Variants in CSMD2 observed in about 807,000 individuals in gnomAD.
CSMD2 encodes CUB and Sushi multiple domains 2.
In CSMD2, 130 loss-of-function variants were observed where a neutral mutation model predicts 398.5. The ratio of observed to expected loss-of-function variants is 0.33; its 90% CI spans 0.28 to 0.38. The LOEUF (loss-of-function observed/expected upper bound fraction) is 0.38, where lower values mean the gene tolerates loss of function less well. Among genes scored for constraint, CSMD2 ranks in the 10% least tolerant of loss-of-function variants. CSMD2 has a pLI of 1.00. For synonymous variants in CSMD2, 1,828 were observed against 1,908.5 expected, an observed-to-expected ratio of 0.96 and a Z score of 1.10; for missense variants, 3,829 against 4,764.9, an observed-to-expected ratio of 0.80 and a Z score of 5.78.
chr1:34,059,146 A>T (rs544806302), intron 2 of CSMD2, among the ~76,000 whole-genome samples: 1 of 152,332 alleles, frequency 6.6e-6, no homozygotes, highest in African/African-American at 2.4e-5. Context: ...CCCAAGTCAC[A>T]GCTCAAGTAT....
chr1:33,612,756 A>C lies in CSMD2; in HGVS notation c.6134-1506T>G, dbSNP rs529504459. Among the ~76,000 whole-genome samples the C allele has an allele frequency of 1.3e-4, 20 of 149,660 alleles. No individual in the cohort carries two copies. In the South Asian group the frequency reaches 3.8e-3, roughly 28 times the overall value. ...GAGTGCAGTGGCACGATCTTGGCTC[A>C]CTGCAAGCTCCGCCTCCCGGGTTCA... On this transcript the variant is annotated intron_variant, in intron 40 of 70. Transcript: ENST00000373381.
At chr1:33,791,856 C>G (rs1429058518) in intron 11 of CSMD2, among the ~76,000 whole-genome samples, 1 of 152,158 alleles carries the variant, frequency 6.6e-6, no homozygotes, top group African/African-American at 2.4e-5. Flanking sequence ...CCCAAGAGCA[C>G]AGACTCAACA....
chr1:34,005,488 A>G (rs998614426), intron 3 of CSMD2, among the ~76,000 whole-genome samples: 3 of 152,202 alleles, frequency 2.0e-5, no homozygotes, highest in Admixed American at 1.3e-4. Flanking sequence ...AGGCTCTACC[A>G]CGCCCAGGCC....
rs1451103843 is a variant in CSMD2, at chr1:33,700,608, C to T, written c.3642G>A (p.Gly1214=). 4 of 1,613,974 alleles carry T rather than the reference C, an allele frequency of 2.5e-6. No individual in the cohort carries two copies. Among genetic ancestry groups the T allele is most frequent in the Non-Finnish European group, 3.4e-6 (4 of 1,180,026 alleles). Residue 1214 remains glycine (G), a synonymous_variant, in exon 23 of 71, where the codon GGG becomes GGA. Transcript: ENST00000373381. The part of the protein sequence containing the change: ...LGVFSHSEMM[G]VTLNSTSSSL... ...TGCTGGATGTGCTGTTCAAAGTCAC[C>T]CCCATCATCTCAGAATGGCTAAAAA... is the stretch of plus-strand genomic sequence containing the variant.
Position 33,570,728 on chromosome 1 carries a change from G to T in CSMD2, c.7957+804C>A, listed in dbSNP as rs545510060. ...CTTTTCAGATTGCTGTGGTTGAGGA[G>T]TCCTCCCACCTAGGAAGGTCATGTC... On this transcript the variant is annotated intron_variant, in intron 51 of 70. Transcript: ENST00000373381. Among the ~76,000 whole-genome samples the T allele has an allele frequency of 3.3e-5, 5 of 152,222 alleles. No individual in the cohort carries two copies. In the East Asian group the frequency reaches 9.7e-4, roughly 29 times the overall value.
At chr1:33,643,506 C>G (rs368965673) in intron 29 of CSMD2, among the ~76,000 whole-genome samples, 1 of 152,330 alleles carries the variant, frequency 6.6e-6, no homozygotes, top group African/African-American at 2.4e-5. Flanking sequence ...ATATCAAATA[C>G]TTATTGGCAC....
intron 3 of CSMD2, among the ~76,000 whole-genome samples, chr1:34,001,405 T>C (rs1346620919): frequency 6.6e-6 from 1 of 152,126 alleles, no homozygotes; most frequent in Non-Finnish European, 1.5e-5. Context: ...GGGAAAAGAA[T>C]GAATCATATG....
intron 2 of CSMD2, among the ~76,000 whole-genome samples, chr1:34,037,858 G>A (rs11801407): frequency 0.041 from 6,273 of 152,126 alleles, 452 homozygotes; most frequent in African/African-American, 0.14. Context: ...CTAGTTTCTC[G>A]GTACTATATT....
At chr1:34,073,258 C>G (rs1282401355) in intron 2 of CSMD2, among the ~76,000 whole-genome samples, 1 of 152,224 alleles carries the variant, frequency 6.6e-6, no homozygotes, top group Non-Finnish European at 1.5e-5. Flanking sequence ...AACATATTTA[C>G]TTTTCTGATG....
At chr1:33,522,101 G>A (rs1428067760) in intron 67 of CSMD2, among the ~76,000 whole-genome samples, 1 of 152,198 alleles carries the variant, frequency 6.6e-6, no homozygotes, top group African/African-American at 2.4e-5. Flanking sequence ...TGCTACTGAT[G>A]CTCATGTGAC....
intron 6 of CSMD2, among the ~76,000 whole-genome samples, chr1:33,836,446 A>G (rs2093182): frequency 0.79 from 119,569 of 152,158 alleles, 47,826 homozygotes; most frequent in East Asian, 0.94. Flanking sequence ...GTTTGGCTAT[A>G]CCCTGTCCCC....
At chr1:34,142,840 C>T (rs568754589) in intron 1 of CSMD2, among the ~76,000 whole-genome samples, 3 of 152,280 alleles carry the variant, frequency 2.0e-5, no homozygotes, top group Admixed American at 2.0e-4. Context: ...GGCACAGAGG[C>T]TCATGGTAGG....
chr1:33,989,588 G>T (rs1029925010), intron 3 of CSMD2, among the ~76,000 whole-genome samples: 1 of 151,988 alleles, frequency 6.6e-6, no homozygotes, highest in Non-Finnish European at 1.5e-5. Flanking sequence ...TTCACCAAAA[G>T]GATATTTGGA....
Position 33,519,595 on chromosome 1 carries a change from C to T in CSMD2, c.10819G>A (p.Asp3607Asn), listed in dbSNP as rs780673057. The change falls in exon 70 of 71, where the codon GAC becomes AAC. Residue 3607 changes from aspartate to asparagine, a missense_variant. By Grantham distance (23) the Asp-to-Asn change is conservative. This residue lies in a region of CSMD2 where 917 missense variants were observed against 1,199.5 expected (regional missense o/e 0.76). Coordinates refer to ENST00000373381, the MANE Select transcript of CSMD2 (RefSeq NM_001281956.2). This position sits in a 1 kb window ranked among gnomAD's most constrained non-coding sequence, Gnocchi z 5.6. ...VRATFENPMY[D>N]RNIQPTDIMA... ...ATGTCTGTGGGCTGGATGTTGCGGTCGTACATTGGGTTCTCAAATGTGGCC... is the reference window on the plus strand; with the variant it reads ...ATGTCTGTGGGCTGGATGTTGCGGTTGTACATTGGGTTCTCAAATGTGGCC... 222 of 1,614,012 alleles carry T rather than the reference C, an allele frequency of 1.4e-4. 3 individuals carry two copies. In the East Asian group the frequency reaches 4.2e-3, roughly 30 times the overall value.
At chr1:33,660,917 A>C (rs920703419) in intron 26 of CSMD2, among the ~76,000 whole-genome samples, 5 of 152,178 alleles carry the variant, frequency 3.3e-5, no homozygotes, top group Non-Finnish European at 7.3e-5. Context: ...TCAAGACGAG[A>C]CAGAATGCCT....
intron 5 of CSMD2, among the ~76,000 whole-genome samples, chr1:33,872,003 C>T (rs1279636070): frequency 6.6e-6 from 1 of 152,176 alleles, no homozygotes; most frequent in Admixed American, 6.5e-5. Context: ...TCTCATGATC[C>T]AATCACCTCT....
At chr1:34,018,109 G>C (rs1648384737) in intron 3 of CSMD2, among the ~76,000 whole-genome samples, 1 of 152,086 alleles carries the variant, frequency 6.6e-6, no homozygotes. Context: ...TCCAGTCCCT[G>C]TTCATATAAG....
Position 34,000,219 on chromosome 1 carries a change from T to C in CSMD2, c.517+32375A>G, listed in dbSNP as rs72882610. Among the ~76,000 whole-genome samples, 1,467 of 152,206 alleles carry C rather than the reference T, an allele frequency of 9.6e-3. 29 individuals carry two copies. The highest frequency in any genetic ancestry group is 0.031 in the African/African-American group (1,294 of 41,520). ...CTCAAAAGGACTTCAATAAACTTTT[T>C]GATGAAAGTGACAAGATGTGGGAAT... On this transcript the variant is annotated intron_variant, in intron 3 of 70. Transcript: ENST00000373381.
intron 3 of CSMD2, among the ~76,000 whole-genome samples, chr1:33,972,890 G>A (rs1259493368): frequency 6.6e-6 from 1 of 151,028 alleles, no homozygotes; most frequent in African/African-American, 2.5e-5. Flanking sequence ...GTTTCTCCAA[G>A]GCTCTGCACA....
Sources: gnomAD v4.1 joint callset for allele counts (sites outside exome capture counted in the v4.1 genomes callset) on GRCh38, gnomAD v4.1.1 for gene constraint, gnomAD v4.1.1 regional missense constraint, Gnocchi (gnomAD v3.1) non-coding constraint, MANE v1.5 for transcripts, NCBI Gene and HGNC (gene_info 2026-07-23, HGNC 2026-07-21) for gene names.